The following RC3H2 variants were observed in gnomAD, a reference collection of about 807,000 sequenced individuals.
RC3H2 encodes the protein ring finger and CCCH-type domains 2.
A neutral mutation model predicts 133.3 loss-of-function variants in RC3H2; 31 were observed. The observed-to-expected ratio is 0.23, with a 90% CI of 0.17 to 0.31. The LOEUF (loss-of-function observed/expected upper bound fraction) is 0.31, where lower values mean the gene tolerates loss of function less well. RC3H2 is among the 10% of genes least tolerant of loss of function. The pLI, the probability that RC3H2 is intolerant of heterozygous loss-of-function variation, is 1.00. For synonymous variants in RC3H2, 517 were observed against 502.2 expected (o/e 1.03, Z -0.40); for missense variants, 1,175 against 1,437.2 (o/e 0.82, Z 2.95).
chr9:122,858,629 G>T, intron 12 of RC3H2, 40 bp downstream of exon 12: 1 of 1,539,414 alleles, frequency 6.5e-7, no homozygotes, highest in Non-Finnish European at 8.8e-7. Context: ...TCCAGACACT[G>T]GGCTGTTAAT....
At position 122,858,697 on chromosome 9, in the gene RC3H2, T is replaced by C. The variant is rs775343633; in HGVS notation, c.2255A>G (p.Glu752Gly). 1 of 1,611,924 alleles carries C rather than the reference T, an allele frequency of 6.2e-7. No homozygotes were observed. Among genetic ancestry groups the C allele is most frequent in the Non-Finnish European group, 8.5e-7 (1 of 1,179,610 alleles). ...YYSVACQPPS[E>G]PRTTVPLPRE... The stretch of plus-strand genomic sequence containing the variant: ...TGGTAAAGGCACAGTTGTCCTTGGC[T>C]CACTTGGTGGCTGACAAGCCACCGA... Residue 752 changes from glutamate to glycine, a missense_variant, in exon 12 of 21, where the codon GAG becomes GGG. This residue lies in a region of RC3H2 where 490 missense variants were observed against 492.8 expected (regional missense o/e 0.99). Transcript: ENST00000357244.
chr9:122,862,819 T>C (rs1204323257), intron 10 of RC3H2, among the ~76,000 whole-genome samples: 3 of 144,652 alleles, frequency 2.1e-5, no homozygotes, highest in Non-Finnish European at 4.5e-5. Flanking sequence ...TGCTTGAACC[T>C]GGCAGGTGGA....
chr9:122,900,600 T>C (rs1832617104), intron 1 of RC3H2, among the ~76,000 whole-genome samples: 1 of 152,184 alleles, frequency 6.6e-6, no homozygotes, highest in African/African-American at 2.4e-5. Context: ...TAAGACTACA[T>C]ATTAATTTGC....
intron 9 of RC3H2, chr9:122,874,009 A>G (rs1407046623): frequency 6.6e-6 from 1 of 151,948 alleles, no homozygotes; most frequent in Non-Finnish European, 1.5e-5. Flanking sequence ...TTAAACTACT[A>G]TGTATGGAGT....
intron 9 of RC3H2, chr9:122,875,257 T>TA: frequency 1.9e-6 from 3 of 1,551,146 alleles, no homozygotes; most frequent in Non-Finnish European, 1.7e-6. Context: ...CACACACACT[T>TA]ATCTTCTCTC....
At chr9:122,895,365 G>A (rs62580927) in intron 2 of RC3H2, among the ~76,000 whole-genome samples, 101 of 150,146 alleles carry the variant, frequency 6.7e-4, no homozygotes, top group Non-Finnish European at 1.3e-3. Context: ...ATGGGGTTTC[G>A]CCATGTTGTC....
At chr9:122,867,912 CCAGCCAGCCGCCCCG>C (rs1830792658) in intron 9 of RC3H2, among the ~76,000 whole-genome samples, 3 of 34,136 alleles carry the variant, frequency 8.8e-5, no homozygotes, top group Non-Finnish European at 1.8e-4. Context: ...AGCCCCCCGC[CCAGCCAGCCGCCCCG>C]TCCGGGAGGG....
intron 9 of RC3H2, among the ~76,000 whole-genome samples, chr9:122,868,901 T>G (rs1367385351): frequency 7.9e-6 from 1 of 126,156 alleles, no homozygotes; most frequent in Non-Finnish European, 1.6e-5. Context: ...ATGTGTTTTT[T>G]TTTTTTTTTT....
chr9:122,853,987 G>T lies in RC3H2; in HGVS notation c.3082C>A (p.Leu1028Ile). Reference protein sequence around the residue: ...LDEGRHLTLNLLSKEIELRNG... With the variant: ...LDEGRHLTLNILSKEIELRNG... ...CTTAGTTCAATTTCCTTGCTTAAAA[G>T]GTTTAAGGTAAGGTGACGGCCTTCA... The change falls in exon 18 of 21, where the codon CTT becomes ATT. Residue 1028 changes from leucine (L) to isoleucine (I), a missense_variant. Physicochemically the swap from Leu to Ile is conservative, Grantham distance 5 (BLOSUM62 2). Coordinates refer to ENST00000357244, the MANE Select transcript of RC3H2 (RefSeq NM_001100588.3). 6.2e-7 allele frequency: 1 copy of T among 1,614,180 alleles called. No homozygotes were observed. Among genetic ancestry groups the T allele is most frequent in the Non-Finnish European group, 8.5e-7 (1 of 1,180,022 alleles).
In RC3H2 at chr9:122,846,761, T is replaced by TA. The variant is rs1194047155; in HGVS notation, c.*2865dup. On this transcript the variant is annotated 3_prime_UTR_variant, in exon 21 of 21. Transcript: ENST00000357244. Reference sequence around the variant, plus strand: ...AAATTTGTACATCACATCTTGTTGGTAAAAAGGCCAAATGACGGGAAATGC... The same window carrying TA: ...AAATTTGTACATCACATCTTGTTGGTAAAAAAGGCCAAATGACGGGAAATGC... The TA allele has an allele frequency of 6.6e-6, 1 of 152,168 alleles. No individual in the cohort carries two copies. The highest frequency in any genetic ancestry group is 1.9e-4 in the East Asian group (1 of 5,204). 9.4% of individuals were successfully genotyped at this position (152,168 alleles called of 1,614,324 possible). A position where few individuals can be genotyped will look rare whatever the true frequency, so the allele number is the denominator to read the frequency against.
At chr9:122,856,955 AT>A (rs1830273639) in intron 13 of RC3H2, among the ~76,000 whole-genome samples, 1 of 152,222 alleles carries the variant, frequency 6.6e-6, no homozygotes, top group African/African-American at 2.4e-5. Context: ...TTGTCAAGAT[AT>A]TTACCTGCTT....
chr9:122,889,210 A>G (rs763600703), intron 4 of RC3H2, among the ~76,000 whole-genome samples: 1 of 152,166 alleles, frequency 6.6e-6, no homozygotes, highest in Non-Finnish European at 1.5e-5. Flanking sequence ...TAAATTAAAC[A>G]CAAAATTATA....
At chr9:122,871,455 G>A (rs576162879) in intron 9 of RC3H2, among the ~76,000 whole-genome samples, 48 of 150,280 alleles carry the variant, frequency 3.2e-4, no homozygotes, top group Middle Eastern at 3.4e-3. Flanking sequence ...CCACCACCAG[G>A]CCCGGCTAAT....
chr9:122,867,914 A>G (rs377606794), intron 9 of RC3H2, among the ~76,000 whole-genome samples: 6,606 of 9,628 alleles, frequency 0.69, 2,847 homozygotes, highest in Middle Eastern at 1. Context: ...CCCCCCGCCC[A>G]GCCAGCCGCC....
At chr9:122,852,771 C>A (rs1830098852) in intron 18 of RC3H2, among the ~76,000 whole-genome samples, 1 of 151,334 alleles carries the variant, frequency 6.6e-6, no homozygotes, top group Non-Finnish European at 1.5e-5. Flanking sequence ...GGGGTCAGCC[C>A]CCCGCCTGGC....
At chr9:122,868,117 T>TG (rs1472606284) in intron 9 of RC3H2, among the ~76,000 whole-genome samples, 6 of 134,400 alleles carry the variant, frequency 4.5e-5, no homozygotes, top group African/African-American at 8.5e-5. Context: ...AGGAGGGAGG[T>TG]GGGGGTGTCA....
intron 11 of RC3H2, 26 bp downstream of exon 11, chr9:122,859,891 T>G (rs148877311): frequency 2.6e-6 from 4 of 1,525,118 alleles, no homozygotes; most frequent in Middle Eastern, 1.8e-4. Flanking sequence ...TTTCTTTTTT[T>G]CTTAGAATTG....
intron 5 of RC3H2, 54 bp downstream of exon 5, chr9:122,883,150 G>A: frequency 1.3e-6 from 2 of 1,516,462 alleles, no homozygotes; most frequent in East Asian, 4.6e-5. Flanking sequence ...ATGAATTTCA[G>A]GAAGTCTCTG....
At chr9:122,871,752 T>G (rs1400912049) in intron 9 of RC3H2, among the ~76,000 whole-genome samples, 1 of 152,186 alleles carries the variant, frequency 6.6e-6, no homozygotes, top group Non-Finnish European at 1.5e-5. Flanking sequence ...TATGCTATAT[T>G]TATTTATTTC....
Sources: allele counts gnomAD v4.1 joint callset (sites outside exome capture counted in the v4.1 genomes callset), GRCh38; gene constraint gnomAD v4.1.1; regional missense constraint gnomAD v4.1.1; transcripts MANE v1.5; gene names NCBI Gene and HGNC (gene_info 2026-07-23, HGNC 2026-07-21).